ARMC2: variants seen among roughly 807,000 people sequenced by gnomAD.
ARMC2 encodes the protein armadillo repeat-containing protein 2.
A neutral mutation model predicts 90.3 loss-of-function variants in ARMC2; 67 were observed. The ratio of observed to expected loss-of-function variants is 0.74; its 90% CI spans 0.61 to 0.91. The LOEUF (loss-of-function observed/expected upper bound fraction) is 0.91, where lower values mean the gene tolerates loss of function less well. Ranked by LOEUF, ARMC2 falls within the 40% of genes least tolerant of loss-of-function variation. The pLI, the probability that ARMC2 is intolerant of heterozygous loss-of-function variation, is 0.00. For synonymous variants in ARMC2, 393 were observed against 393.0 expected, an observed-to-expected ratio of 1.00 and a Z score of 0.00; for missense variants, 920 against 1,030.9, an observed-to-expected ratio of 0.89 and a Z score of 1.47.
the ARMC2 span, among the ~76,000 whole-genome samples, chr6:108,995,860 A>G: frequency 6.6e-6 from 1 of 152,118 alleles, no homozygotes; most frequent in African/African-American, 2.4e-5. Context: ...TTATAAATTT[A>G]TTTTGCCAGG....
At chr6:109,038,451 C>A in the ARMC2 span, among the ~76,000 whole-genome samples, 2 of 152,122 alleles carry the variant, frequency 1.3e-5, no homozygotes, top group African/African-American at 4.8e-5. Flanking sequence ...GAGCTGAGAT[C>A]GTGCCACTGC....
chr6:108,973,523 A>G lies in ARMC2; in HGVS notation c.*9A>G. The G allele has an allele frequency of 6.2e-7, 1 of 1,601,712 alleles. No homozygotes were observed. Among genetic ancestry groups the G allele is most frequent in the East Asian group, 2.2e-5 (1 of 44,758 alleles). ...CCATTCCCTCTTTCTAACATGATGCAGATTAACAGTAGAAACGAGAACTCA... is the reference window on the plus strand; with the variant it reads ...CCATTCCCTCTTTCTAACATGATGCGGATTAACAGTAGAAACGAGAACTCA... On this transcript the variant is annotated 3_prime_UTR_variant, in exon 18 of 18. Transcript: ENST00000392644.
intron 12 of ARMC2, among the ~76,000 whole-genome samples, chr6:108,942,375 C>A (rs1445941660): frequency 6.6e-6 from 1 of 152,188 alleles, no homozygotes; most frequent in Non-Finnish European, 1.5e-5. Context: ...AAAACAGAAT[C>A]CCTTCAGACC....
At chr6:108,971,944 G>C (rs1053048844) in intron 17 of ARMC2, among the ~76,000 whole-genome samples, 1 of 151,380 alleles carries the variant, frequency 6.6e-6, no homozygotes, top group Non-Finnish European at 1.5e-5. Flanking sequence ...AAAAAGTGTT[G>C]GCAATTTAAG....
chr6:108,930,468 A>C (rs1775440345), intron 11 of ARMC2, among the ~76,000 whole-genome samples: 1 of 150,656 alleles, frequency 6.6e-6, no homozygotes, highest in Non-Finnish European at 1.5e-5. Flanking sequence ...TAAAGGAAAT[A>C]TTTTCATGGT....
intron 4 of ARMC2, among the ~76,000 whole-genome samples, chr6:108,873,994 T>C (rs1359415932): frequency 6.6e-6 from 1 of 152,248 alleles, no homozygotes; most frequent in Non-Finnish European, 1.5e-5. Flanking sequence ...ATATAACAGG[T>C]ATCAAATAAA....
At chr6:108,995,102 T>G in the ARMC2 span, among the ~76,000 whole-genome samples, 1 of 152,214 alleles carries the variant, frequency 6.6e-6, no homozygotes, top group Non-Finnish European at 1.5e-5. Flanking sequence ...AATACAGACA[T>G]GCAGATTTTA....
intron 5 of ARMC2, among the ~76,000 whole-genome samples, chr6:108,877,663 T>C (rs929635449): frequency 6.6e-5 from 10 of 152,198 alleles, no homozygotes; most frequent in African/African-American, 2.2e-4. Context: ...AAGGAAACAT[T>C]TATCTTGCTG....
chr6:109,046,891 T>C, the ARMC2 span, among the ~76,000 whole-genome samples: 1 of 118,082 alleles, frequency 8.5e-6, no homozygotes, highest in Non-Finnish European at 1.8e-5. Context: ...GTCCGGCAGC[T>C]GCCCCGTCTG....
At chr6:108,908,784 T>A (rs1773082298) in intron 8 of ARMC2, among the ~76,000 whole-genome samples, 1 of 151,982 alleles carries the variant, frequency 6.6e-6, no homozygotes. Context: ...GAGAGAAATG[T>A]CGTAGCCGGG....
the ARMC2 span, among the ~76,000 whole-genome samples, chr6:109,012,896 A>ACC: frequency 6.6e-6 from 1 of 151,980 alleles, no homozygotes; most frequent in Non-Finnish European, 1.5e-5. Flanking sequence ...AGGGCGGATC[A>ACC]CAAGGTCAGG....
intron 13 of ARMC2, among the ~76,000 whole-genome samples, chr6:108,957,368 G>A (rs537122291): frequency 2.6e-5 from 4 of 152,272 alleles, no homozygotes; most frequent in East Asian, 1.9e-4. Context: ...TGTCTGTGTC[G>A]GTGTGGAGTG....
intron 10 of ARMC2, among the ~76,000 whole-genome samples, chr6:108,924,853 G>C (rs1222444966): frequency 6.6e-6 from 1 of 152,194 alleles, no homozygotes; most frequent in Non-Finnish European, 1.5e-5. Context: ...GGGGGCTGTA[G>C]AGTTTGGGTA....
At chr6:109,048,313 C>T in the ARMC2 span, among the ~76,000 whole-genome samples, 2 of 152,172 alleles carry the variant, frequency 1.3e-5, no homozygotes, top group Non-Finnish European at 2.9e-5. Context: ...GAGCCACCTT[C>T]CTGAGACATT....
At chr6:108,939,596 T>C (rs534268247) in intron 12 of ARMC2, among the ~76,000 whole-genome samples, 1 of 152,360 alleles carries the variant, frequency 6.6e-6, no homozygotes, top group Admixed American at 6.5e-5. Flanking sequence ...AGCAGCATGC[T>C]TCCTGTACAG....
intron 13 of ARMC2, among the ~76,000 whole-genome samples, chr6:108,958,293 A>T (rs1049435567): frequency 3.9e-5 from 6 of 152,194 alleles, no homozygotes; most frequent in Non-Finnish European, 5.9e-5. Context: ...ATGGTATTTT[A>T]TTATGACAGG....
At chr6:109,034,469 T>C in the ARMC2 span, among the ~76,000 whole-genome samples, 1,326 of 152,350 alleles carry the variant, frequency 8.7e-3, 23 homozygotes, top group African/African-American at 0.03. Flanking sequence ...TCTTTCATTA[T>C]TGATATATTT....
At chr6:108,872,616 C>T (rs1416252153) in intron 4 of ARMC2, among the ~76,000 whole-genome samples, 2 of 152,188 alleles carry the variant, frequency 1.3e-5, no homozygotes, top group Admixed American at 1.3e-4. Flanking sequence ...GCTCCCAACA[C>T]GACATGGCTG....
the ARMC2 span, chr6:108,986,790 C>T: frequency 6.6e-6 from 1 of 152,180 alleles, no homozygotes; most frequent in Non-Finnish European, 1.5e-5. Flanking sequence ...TGTCAGGATC[C>T]TGTGAAACAG....
Sources: gnomAD v4.1 joint callset for allele counts (sites outside exome capture counted in the v4.1 genomes callset) on GRCh38, gnomAD v4.1.1 for gene constraint, MANE v1.5 for transcripts, NCBI Gene and HGNC (gene_info 2026-07-23, HGNC 2026-07-21) for gene names.